FAAH2: variants seen among roughly 807,000 people sequenced by gnomAD.
FAAH2 encodes the protein fatty-acid amide hydrolase 2.
A neutral mutation model predicts 36.9 loss-of-function variants in FAAH2; 60 were observed. That is an observed-to-expected ratio of 1.63 (90% CI 1.32 to 2.02). FAAH2 has a LOEUF of 2.02. FAAH2 is among the 30% of genes most tolerant of loss of function. FAAH2 has a pLI of 0.00. For missense variants in FAAH2, 689 were observed against 397.5 expected, an observed-to-expected ratio of 1.73 and a Z score of -6.23; for synonymous variants, 214 against 143.8, an observed-to-expected ratio of 1.49 and a Z score of -3.49.
At chrX:57,311,617 G>C (rs1415136139) in intron 3 of FAAH2, among the ~76,000 whole-genome samples, 1 of 111,873 alleles carries the variant, frequency 8.9e-6, no homozygotes, top group Non-Finnish European at 1.9e-5. Flanking sequence ...AGGCCGGGAT[G>C]ACCTCTGACC....
At chrX:57,248,459 A>G in the FAAH2 span, among the ~76,000 whole-genome samples, 1 of 111,339 alleles carries the variant, frequency 9.0e-6, no homozygotes, top group Non-Finnish European at 1.9e-5. Context: ...TGCACTATAA[A>G]TCTAATAATG....
intron 5 of FAAH2, among the ~76,000 whole-genome samples, chrX:57,350,798 C>T (rs973292006): frequency 3.6e-5 from 4 of 110,966 alleles, no homozygotes; most frequent in African/African-American, 1.3e-4. Flanking sequence ...GAGAATGTAA[C>T]AATTCTAATT....
At chrX:57,157,980 C>T in the FAAH2 span, among the ~76,000 whole-genome samples, 1 of 110,478 alleles carries the variant, frequency 9.1e-6, no homozygotes, top group Non-Finnish European at 1.9e-5. Context: ...GGTATATCTC[C>T]TAATGCTATC....
chrX:57,395,172 C>T, intron 7 of FAAH2: 2 of 535,570 alleles, frequency 3.7e-6, no homozygotes, highest in South Asian at 4.5e-5. Context: ...ACTTGATCAC[C>T]TCAGATTCTG....
intron 3 of FAAH2, among the ~76,000 whole-genome samples, chrX:57,324,045 A>T (rs1300852562): frequency 8.9e-6 from 1 of 111,981 alleles, no homozygotes; most frequent in Non-Finnish European, 1.9e-5. Context: ...ATCCAGTTTC[A>T]GCTTTCTGCT....
chrX:57,282,757 G>A (rs1280430273), upstream of FAAH2, among the ~76,000 whole-genome samples: 3 of 111,703 alleles, frequency 2.7e-5, no homozygotes, highest in Non-Finnish European at 5.6e-5. Flanking sequence ...TAATAGGTAC[G>A]CTCTTGCTTA....
At chrX:57,322,249 C>T (rs1015064284) in intron 3 of FAAH2, among the ~76,000 whole-genome samples, 1 of 111,687 alleles carries the variant, frequency 9.0e-6, no homozygotes, top group Non-Finnish European at 1.9e-5. Context: ...CTCGGCCTCC[C>T]AAAGTGCTGG....
chrX:57,422,636 C>T (rs1390680130), intron 7 of FAAH2, among the ~76,000 whole-genome samples: 1 of 111,790 alleles, frequency 8.9e-6, no homozygotes, highest in Non-Finnish European at 1.9e-5. Flanking sequence ...GTCCACTGAG[C>T]TCAGGTTCAC....
At chrX:57,226,665 C>A in the FAAH2 span, among the ~76,000 whole-genome samples, 4 of 111,508 alleles carry the variant, frequency 3.6e-5, no homozygotes, top group Non-Finnish European at 7.5e-5. Flanking sequence ...CCCAGGTGTT[C>A]TTTGTGCTTC....
chrX:57,340,491 C>T (rs965071118), intron 4 of FAAH2, among the ~76,000 whole-genome samples: 1 of 112,090 alleles, frequency 8.9e-6, no homozygotes, highest in South Asian at 3.7e-4. Flanking sequence ...TACATGCACA[C>T]ATATGTTCAT....
the FAAH2 span, among the ~76,000 whole-genome samples, chrX:57,152,279 A>G: frequency 8.9e-6 from 1 of 112,140 alleles, no homozygotes; most frequent in Non-Finnish European, 1.9e-5. Flanking sequence ...TGGGAGAACC[A>G]CTACTCTCTT....
the FAAH2 span, among the ~76,000 whole-genome samples, chrX:57,211,965 G>C: frequency 8.9e-6 from 1 of 111,992 alleles, no homozygotes; most frequent in South Asian, 3.7e-4. Flanking sequence ...GCTGGCCACT[G>C]TAGCTCACAC....
intron 5 of FAAH2, among the ~76,000 whole-genome samples, chrX:57,365,920 A>T (rs1467543127): frequency 8.9e-6 from 1 of 112,048 alleles, no homozygotes; most frequent in African/African-American, 3.2e-5. Flanking sequence ...TTTTCTTAAA[A>T]TGGCAGCTAT....
the FAAH2 span, among the ~76,000 whole-genome samples, chrX:57,261,590 A>C: frequency 9.2e-6 from 1 of 109,187 alleles, no homozygotes; most frequent in Non-Finnish European, 1.9e-5. Flanking sequence ...AAAATAAGAA[A>C]AAATCTATAT....
At chrX:57,313,200 AAG>A (rs1295662959) in intron 3 of FAAH2, among the ~76,000 whole-genome samples, 3 of 111,551 alleles carry the variant, frequency 2.7e-5, no homozygotes, top group Non-Finnish European at 5.6e-5. Flanking sequence ...ATAAAGAAAA[AAG>A]AAATTAGAAA....
chrX:57,203,373 G>A, the FAAH2 span, among the ~76,000 whole-genome samples: 2 of 111,995 alleles, frequency 1.8e-5, no homozygotes, highest in Non-Finnish European at 3.8e-5. Context: ...TCTGCCCTGG[G>A]TGGGCCAGGT....
At chrX:57,271,219 A>T in the FAAH2 span, among the ~76,000 whole-genome samples, 2 of 112,734 alleles carry the variant, frequency 1.8e-5, no homozygotes, top group Admixed American at 1.9e-4. Flanking sequence ...AGCTTCTGGG[A>T]AGTTCGAACT....
intron 7 of FAAH2, among the ~76,000 whole-genome samples, chrX:57,416,177 T>C (rs1374914317): frequency 9.0e-6 from 1 of 111,404 alleles, no homozygotes; most frequent in East Asian, 2.8e-4. Context: ...TGACTCTTTA[T>C]CCAATTTGCC....
intron 3 of FAAH2, 107 bp from the exon 4 acceptor site, chrX:57,331,491 G>A: frequency 1.7e-6 from 1 of 599,914 alleles, no homozygotes; most frequent in Non-Finnish European, 2.6e-6. Context: ...AACCCTTTGT[G>A]GGAGATGTTC....
Sources: gnomAD v4.1 joint callset for allele counts (sites outside exome capture counted in the v4.1 genomes callset) on GRCh38, gnomAD v4.1.1 for gene constraint, MANE v1.5 for transcripts, NCBI Gene and HGNC (gene_info 2026-07-23, HGNC 2026-07-21) for gene names.